Variants in GK observed in about 807,000 individuals in gnomAD.
GK encodes the protein ATP:glycerol 3-phosphotransferase.
In GK, 9 loss-of-function variants were observed where a neutral mutation model predicts 56.4. The ratio of observed to expected loss-of-function variants is 0.16; its 90% CI spans 0.10 to 0.28. The LOEUF (loss-of-function observed/expected upper bound fraction) is 0.28. Ranked by LOEUF, GK falls within the 10% of genes least tolerant of loss-of-function variation. GK has a pLI of 1.00. For synonymous variants in GK, 104 were observed against 144.1 expected (o/e 0.72, Z 1.99); for missense variants, 161 against 431.4 (o/e 0.37, Z 5.55).
intron 4 of GK, among the ~76,000 whole-genome samples, chrX:30,679,299 G>A (rs1340990381): frequency 3.8e-5 from 4 of 104,512 alleles, no homozygotes; most frequent in Middle Eastern, 4.4e-3. Flanking sequence ...ATCTCGGCTC[G>A]CTCTATCTCC....
intron 13 of GK, among the ~76,000 whole-genome samples, chrX:30,717,948 G>A (rs1298407843): frequency 1.8e-5 from 2 of 111,322 alleles, no homozygotes; most frequent in African/African-American, 3.3e-5. Flanking sequence ...AACTTACTAA[G>A]TTACTTAGAT....
At chrX:30,676,367 C>T (rs1295256320) in intron 3 of GK, among the ~76,000 whole-genome samples, 1 of 112,482 alleles carries the variant, frequency 8.9e-6, no homozygotes, top group African/African-American at 3.2e-5. Flanking sequence ...AATATCTTGT[C>T]ACTAGAAGTG....
chrX:30,655,156 T>C (rs982775100), intron 1 of GK, among the ~76,000 whole-genome samples: 1 of 111,641 alleles, frequency 9.0e-6, no homozygotes, highest in Non-Finnish European at 1.9e-5. Flanking sequence ...TCTTGCACTG[T>C]TTATCTTTTG....
chrX:30,656,841 A>T (rs1295878794), intron 1 of GK, among the ~76,000 whole-genome samples: 1 of 112,007 alleles, frequency 8.9e-6, no homozygotes. Context: ...AGTTAACTGA[A>T]TTATTTTTTA....
At chrX:30,655,780 G>C (rs1252983174) in intron 1 of GK, among the ~76,000 whole-genome samples, 2 of 111,721 alleles carry the variant, frequency 1.8e-5, no homozygotes, top group Non-Finnish European at 3.8e-5. Flanking sequence ...CTCAGGTTTT[G>C]TTGCCTAAAA....
intron 4 of GK, among the ~76,000 whole-genome samples, chrX:30,684,534 C>T (rs780490561): frequency 1.8e-5 from 2 of 109,989 alleles, no homozygotes; most frequent in Non-Finnish European, 1.9e-5. Context: ...GGCGTGGTAG[C>T]GCGTGCCTGT....
At chrX:30,696,356 G>T (rs1298089228) in intron 7 of GK, among the ~76,000 whole-genome samples, 1 of 112,025 alleles carries the variant, frequency 8.9e-6, no homozygotes, top group Non-Finnish European at 1.9e-5. Context: ...ATTCTTCACG[G>T]AAGTTTAGGT....
At chrX:30,654,727 ACT>A (rs1418534784) in intron 1 of GK, among the ~76,000 whole-genome samples, 1 of 111,410 alleles carries the variant, frequency 9.0e-6, no homozygotes, top group Non-Finnish European at 1.9e-5. Flanking sequence ...ACAGAGCGAG[ACT>A]CTGTCTCAAA....
chrX:30,704,128 T>TTATATATA (rs752736589), intron 11 of GK, among the ~76,000 whole-genome samples: 4,066 of 74,835 alleles, frequency 0.054, 157 homozygotes, highest in Non-Finnish European at 0.068. Flanking sequence ...GTTATTCATT[T>TTATATATA]TATATATATA....
At chrX:30,700,493 A>G in intron 10 of GK, 44 bp downstream of exon 10, 1 of 1,014,241 alleles carries the variant, frequency 9.9e-7, no homozygotes, top group Non-Finnish European at 1.4e-6. Context: ...ACCCTTCCCC[A>G]TGTTATGGCT....
At chrX:30,698,475 G>T (rs1935356736) in intron 9 of GK, 1 of 110,445 alleles carries the variant, frequency 9.1e-6, no homozygotes, top group Non-Finnish European at 1.9e-5. Context: ...AGGCCGAGGC[G>T]GGCGGATCAC....
intron 1 of GK, among the ~76,000 whole-genome samples, chrX:30,663,920 C>T (rs1372864496): frequency 2.1e-5 from 2 of 94,759 alleles, no homozygotes; most frequent in African/African-American, 7.6e-5. Flanking sequence ...ATATGAAAAA[C>T]TTGCTCTCTC....
intron 13 of GK, among the ~76,000 whole-genome samples, chrX:30,717,462 CA>C (rs1437627306): frequency 9.0e-6 from 1 of 110,795 alleles, no homozygotes; most frequent in Admixed American, 9.7e-5. Flanking sequence ...GTCACCACCC[CA>C]AAAAGAAACC....
intron 13 of GK, among the ~76,000 whole-genome samples, chrX:30,713,151 G>A (rs60370778): frequency 1.8e-5 from 2 of 111,322 alleles, no homozygotes; most frequent in African/African-American, 3.3e-5. Context: ...TGTTTTTCTA[G>A]CATCCCTACA....
chrX:30,656,893 C>G (rs1932331352), intron 1 of GK, among the ~76,000 whole-genome samples: 1 of 112,457 alleles, frequency 8.9e-6, no homozygotes, highest in African/African-American at 3.2e-5. Flanking sequence ...CTCTGTAGCC[C>G]AGGCTGGAGT....
Position 30,697,717 on chromosome X carries a change from C to T in GK, c.730-15C>T, listed in dbSNP as rs759677818. 9.8e-6 allele frequency: 11 copies of T among 1,126,417 alleles called. No individual in the cohort carries two copies. In the South Asian group the frequency reaches 1.8e-4, roughly 19 times the overall value. 92.8% of individuals were successfully genotyped at this position (1,126,417 alleles called of 1,213,427 possible). A position where few individuals can be genotyped will look rare whatever the true frequency, so the allele number is the denominator to read the frequency against. ...TTATGCTTCTATCCTTCTCTCTCCC[C>T]CTTGCTGACTATAGAAAATCTCTCA... is the stretch of plus-strand genomic sequence containing the variant. On this transcript the variant is annotated splice_polypyrimidine_tract_variant and intron_variant, in intron 8 of 20. Coordinates refer to ENST00000427190, the MANE Select transcript of GK (RefSeq NM_001205019.2).
At chrX:30,715,358 G>A (rs1936564200) in intron 13 of GK, among the ~76,000 whole-genome samples, 1 of 111,754 alleles carries the variant, frequency 8.9e-6, no homozygotes, top group Non-Finnish European at 1.9e-5. Flanking sequence ...TCACTTTCCA[G>A]GCTACATGTC....
At chrX:30,717,692 G>A (rs1351834722) in intron 13 of GK, among the ~76,000 whole-genome samples, 2 of 112,172 alleles carry the variant, frequency 1.8e-5, no homozygotes, top group Non-Finnish European at 1.9e-5. Flanking sequence ...ACTCCATTGT[G>A]TAGACATACT....
intron 19 of GK, 96 bp from the exon 20 acceptor site, chrX:30,727,370 T>C: frequency 9.3e-6 from 5 of 536,416 alleles, no homozygotes; most frequent in Non-Finnish European, 1.6e-5. Context: ...GCTTATTTTG[T>C]TTTGCTATCT....
Sources: gnomAD v4.1 joint callset for allele counts (sites outside exome capture counted in the v4.1 genomes callset) on GRCh38, gnomAD v4.1.1 for gene constraint, MANE v1.5 for transcripts, NCBI Gene and HGNC (gene_info 2026-07-23, HGNC 2026-07-21) for gene names.